CSMD1: variants seen among roughly 807,000 people sequenced by gnomAD.
CSMD1 encodes the protein CUB and sushi domain-containing protein 1.
Under a neutral mutation model 417.5 loss-of-function variants are expected in CSMD1, and 213 were observed. The observed-to-expected ratio is 0.51, with a 90% CI of 0.46 to 0.57. CSMD1 has a LOEUF of 0.57. CSMD1 is among the 20% of genes least tolerant of loss of function. CSMD1 has a pLI of 0.00. For synonymous variants in CSMD1, 2,862 were observed against 1,736.8 expected (o/e 1.65, Z -16.11); for missense variants, 6,923 against 4,529.7 (o/e 1.53, Z -15.17).
intron 26 of CSMD1, among the ~76,000 whole-genome samples, chr8:3,257,632 A>G (rs1800754253): frequency 6.6e-6 from 1 of 152,134 alleles, no homozygotes; most frequent in Admixed American, 6.5e-5. Flanking sequence ...TAGAGACAGA[A>G]TCAGCCTTGC....
intron 2 of CSMD1, among the ~76,000 whole-genome samples, chr8:4,504,119 A>G (rs1338816291): frequency 6.6e-6 from 1 of 152,174 alleles, no homozygotes; most frequent in Non-Finnish European, 1.5e-5. Context: ...AATGTGGTGT[A>G]TATATAGCCC....
intron 18 of CSMD1, among the ~76,000 whole-genome samples, chr8:3,377,068 G>C (rs886409357): frequency 4.6e-5 from 7 of 152,306 alleles, no homozygotes; most frequent in Admixed American, 1.3e-4. Context: ...TAGTGTAGTG[G>C]TGTGATCTTG....
At chr8:4,486,930 G>A (rs1025483616) in intron 2 of CSMD1, among the ~76,000 whole-genome samples, 1 of 152,142 alleles carries the variant, frequency 6.6e-6, no homozygotes, top group African/African-American at 2.4e-5. Flanking sequence ...AGCTTGTCAA[G>A]CAGGCAGGGT....
chr8:3,451,629 T>A (rs1386190412), intron 12 of CSMD1, among the ~76,000 whole-genome samples: 1 of 152,210 alleles, frequency 6.6e-6, no homozygotes, highest in African/African-American at 2.4e-5. Context: ...TACTTGTAGA[T>A]ATATGGCATT....
chr8:3,423,068 T>A (rs1004726466), intron 12 of CSMD1, among the ~76,000 whole-genome samples: 6 of 152,210 alleles, frequency 3.9e-5, no homozygotes, highest in African/African-American at 1.2e-4. Flanking sequence ...CCTATGTATT[T>A]AAAAAATAAT....
chr8:2,996,037 G>A (rs1446492487), intron 54 of CSMD1, among the ~76,000 whole-genome samples: 1 of 152,108 alleles, frequency 6.6e-6, no homozygotes, highest in Non-Finnish European at 1.5e-5. Flanking sequence ...TTCTACCACT[G>A]GGTGAGAGTG....
intron 1 of CSMD1, among the ~76,000 whole-genome samples, chr8:4,936,599 T>A (rs866657212): frequency 1.3e-5 from 2 of 152,338 alleles, no homozygotes; most frequent in Middle Eastern, 3.4e-3. Flanking sequence ...ACACTTTATT[T>A]GATATATTTG....
chr8:3,158,363 C>T (rs1042918079), intron 38 of CSMD1, among the ~76,000 whole-genome samples: 2 of 151,916 alleles, frequency 1.3e-5, no homozygotes, highest in South Asian at 4.2e-4. Context: ...ATTAAAAGGC[C>T]AAAATGTCAG....
chr8:4,718,567 T>A (rs1254368695), intron 1 of CSMD1, among the ~76,000 whole-genome samples: 2 of 151,930 alleles, frequency 1.3e-5, no homozygotes, highest in Non-Finnish European at 2.9e-5. Flanking sequence ...AAGAAAAAAT[T>A]TATAAAACAT....
At chr8:4,136,337 A>C (rs768322404) in intron 3 of CSMD1, among the ~76,000 whole-genome samples, 2 of 152,308 alleles carry the variant, frequency 1.3e-5, no homozygotes. Context: ...TCTGTTAGTG[A>C]TAATAAAATA....
At chr8:4,269,295 C>T (rs778380443) in intron 3 of CSMD1, among the ~76,000 whole-genome samples, 1 of 152,110 alleles carries the variant, frequency 6.6e-6, no homozygotes, top group Non-Finnish European at 1.5e-5. Flanking sequence ...AACTCTTGAT[C>T]TCAGGTGATC....
At chr8:4,781,827 A>T (rs1413913674) in intron 1 of CSMD1, among the ~76,000 whole-genome samples, 1 of 152,216 alleles carries the variant, frequency 6.6e-6, no homozygotes, top group African/African-American at 2.4e-5. Flanking sequence ...AACATCATTC[A>T]CGATGACGGT....
intron 12 of CSMD1, among the ~76,000 whole-genome samples, chr8:3,450,402 C>A (rs1398015874): frequency 1.3e-5 from 2 of 151,872 alleles, no homozygotes; most frequent in African/African-American, 4.8e-5. Flanking sequence ...TGTTGGTGTG[C>A]TGCACCCATT....
intron 11 of CSMD1, among the ~76,000 whole-genome samples, chr8:3,485,396 A>C (rs1246936234): frequency 1.3e-5 from 2 of 152,024 alleles, no homozygotes; most frequent in South Asian, 2.1e-4. Flanking sequence ...TAAGTGTAGA[A>C]AACAGGGAGT....
chr8:4,147,846 G>A (rs947923373), intron 3 of CSMD1, among the ~76,000 whole-genome samples: 2 of 152,088 alleles, frequency 1.3e-5, no homozygotes, highest in African/African-American at 4.8e-5. Context: ...GACTTCTCTG[G>A]TCTGGAAATG....
intron 5 of CSMD1, among the ~76,000 whole-genome samples, chr8:3,904,659 T>A (rs542348149): frequency 6.9e-6 from 1 of 145,942 alleles, no homozygotes; most frequent in East Asian, 2.0e-4. Flanking sequence ...TTTTTTGAGA[T>A]GAAGTCTTAC....
chr8:3,597,703 G>A (rs1032585203), intron 8 of CSMD1, among the ~76,000 whole-genome samples: 3 of 152,132 alleles, frequency 2.0e-5, no homozygotes, highest in African/African-American at 7.2e-5. Context: ...GGATGAAACT[G>A]GAAACCATCA....
chr8:4,594,535 A>C (rs1002614713), intron 2 of CSMD1, among the ~76,000 whole-genome samples: 8 of 152,026 alleles, frequency 5.3e-5, no homozygotes, highest in African/African-American at 1.9e-4. Flanking sequence ...TCACATTCTG[A>C]GTTATTGGGA....
chr8:3,982,735 A>C (rs574472844), intron 5 of CSMD1, among the ~76,000 whole-genome samples: 1 of 152,200 alleles, frequency 6.6e-6, no homozygotes, highest in East Asian at 1.9e-4. Context: ...CATCTGTAGG[A>C]GGCTTAACGT....
Sources: gnomAD v4.1 joint callset for allele counts (sites outside exome capture counted in the v4.1 genomes callset) on GRCh38, gnomAD v4.1.1 for gene constraint, MANE v1.5 for transcripts, NCBI Gene and HGNC (gene_info 2026-07-23, HGNC 2026-07-21) for gene names.